The following NECTIN3 variants were observed in gnomAD, a reference collection of about 807,000 sequenced individuals.
The protein encoded by NECTIN3 is nectin cell adhesion molecule 3.
Under a neutral mutation model 49.4 loss-of-function variants are expected in NECTIN3, and 8 were observed. The observed-to-expected ratio is 0.16, with a 90% CI of 0.10 to 0.29. The LOEUF (loss-of-function observed/expected upper bound fraction) is 0.29, where lower values mean the gene tolerates loss of function less well. Ranked by LOEUF, NECTIN3 falls within the 10% of genes least tolerant of loss-of-function variation. The pLI is 1.00. For synonymous variants in NECTIN3, 277 were observed against 241.1 expected, an observed-to-expected ratio of 1.15 and a Z score of -1.38; for missense variants, 581 against 654.6, an observed-to-expected ratio of 0.89 and a Z score of 1.23.
downstream of NECTIN3, among the ~76,000 whole-genome samples, chr3:111,138,555 GT>G (rs1311497943): frequency 6.6e-6 from 1 of 151,542 alleles, no homozygotes; most frequent in African/African-American, 2.4e-5. Flanking sequence ...GTTTACAAAA[GT>G]TTTGCCTTGT....
rs1477771672 is a variant in NECTIN3, at chr3:111,134,206, G to T, written c.1641G>T (p.Trp547Cys). 6.3e-7 allele frequency: 1 copy of T among 1,597,366 alleles called. No homozygotes were observed. Among genetic ancestry groups the T allele is most frequent in the South Asian group, 1.1e-5 (1 of 87,304 alleles). Residue 547 changes from tryptophan (W) to cysteine (C), a missense_variant, in exon 6 of 6, where the codon TGG (tryptophan) becomes TGT (cysteine). By Grantham distance (215) the Trp-to-Cys change is radical. Around this residue, in one of 3 missense-constraint regions of NECTIN3, gnomAD observed 238 missense variants for 244.9 expected, o/e 0.97. Coordinates refer to ENST00000485303, the MANE Select transcript of NECTIN3 (RefSeq NM_015480.3). The stretch of plus-strand genomic sequence containing the variant: ...GTTCCGTAATTTCCAGGAGGGAGTG[G>T]TATGTTTAGCAACCACTGAATGTGA... Reference protein sequence around the residue: ...VDGSVISRREWYV With the variant: ...VDGSVISRRECYV
At chr3:111,087,619 C>T (rs989347920) in intron 1 of NECTIN3, among the ~76,000 whole-genome samples, 6 of 152,062 alleles carry the variant, frequency 3.9e-5, no homozygotes, top group African/African-American at 1.4e-4. Flanking sequence ...TGCCACTGCA[C>T]TCCAGCCTGA....
At chr3:111,144,533 G>A (rs890056108) in intron 5 of NECTIN3, among the ~76,000 whole-genome samples, 12 of 151,702 alleles carry the variant, frequency 7.9e-5, no homozygotes, top group Non-Finnish European at 1.2e-4. Context: ...ATTACTGGTC[G>A]TTTATATTAG....
At chr3:111,157,414 A>G (rs1324377585) in intron 7 of NECTIN3, among the ~76,000 whole-genome samples, 1 of 152,120 alleles carries the variant, frequency 6.6e-6, no homozygotes, top group Admixed American at 6.5e-5. Flanking sequence ...TGGTTTTTCA[A>G]GAGATCCAGC....
At chr3:111,177,087 T>C (rs2035544595) in intron 7 of NECTIN3, among the ~76,000 whole-genome samples, 1 of 152,162 alleles carries the variant, frequency 6.6e-6, no homozygotes, top group East Asian at 1.9e-4. Context: ...CAGAGTGTCT[T>C]TTTCTAGTTC....
At chr3:111,126,730 A>G (rs958539675) in intron 5 of NECTIN3, among the ~76,000 whole-genome samples, 2 of 152,144 alleles carry the variant, frequency 1.3e-5, no homozygotes, top group African/African-American at 4.8e-5. Flanking sequence ...GGTAAATAAA[A>G]TGGAATATTA....
intron 1 of NECTIN3, among the ~76,000 whole-genome samples, chr3:111,083,316 C>T (rs1244331950): frequency 6.6e-6 from 1 of 152,104 alleles, no homozygotes; most frequent in Admixed American, 6.5e-5. Context: ...CCCCTTCTCC[C>T]CCAAATCCAT....
intron 1 of NECTIN3, chr3:111,072,761 C>T (rs1208385856): frequency 8.7e-6 from 5 of 575,316 alleles, no homozygotes; most frequent in Non-Finnish European, 1.5e-5. Flanking sequence ...TCTAGATTGA[C>T]CCTCGTCCCT....
At chr3:111,145,069 G>T in intron 6 of NECTIN3, 1 of 1,518,272 alleles carries the variant, frequency 6.6e-7, no homozygotes, top group Non-Finnish European at 8.8e-7. Flanking sequence ...GTTCAACTAT[G>T]AATATCAGTA....
chr3:111,093,625 G>A (rs2032406463), intron 1 of NECTIN3, among the ~76,000 whole-genome samples: 2 of 151,874 alleles, frequency 1.3e-5, no homozygotes, highest in South Asian at 2.1e-4. Context: ...TAGTAGAAAC[G>A]GGGTTTTACC....
intron 2 of NECTIN3, among the ~76,000 whole-genome samples, chr3:111,115,567 A>T (rs1216495919): frequency 2.6e-5 from 4 of 152,332 alleles, no homozygotes; most frequent in African/African-American, 9.6e-5. Context: ...TTCCCAAGTG[A>T]CTTATGTACA....
At chr3:111,100,138 T>G (rs1209458093) in intron 1 of NECTIN3, among the ~76,000 whole-genome samples, 1 of 152,136 alleles carries the variant, frequency 6.6e-6, no homozygotes, top group Non-Finnish European at 1.5e-5. Context: ...TGTAATTGTT[T>G]AGAGGTGCTT....
chr3:111,147,349 T>C (rs960959591), intron 6 of NECTIN3: 4 of 313,540 alleles, frequency 1.3e-5, no homozygotes, highest in Non-Finnish European at 1.9e-5. Context: ...TTTCTTTTGC[T>C]TTTTTTTTTT....
chr3:111,187,035 T>C (rs1296288872), intron 7 of NECTIN3, among the ~76,000 whole-genome samples: 1 of 152,160 alleles, frequency 6.6e-6, no homozygotes, highest in Non-Finnish European at 1.5e-5. Context: ...CCAAATCCTG[T>C]TGAGGACATG....
chr3:111,173,820 C>G (rs987272327), intron 7 of NECTIN3, among the ~76,000 whole-genome samples: 24 of 151,870 alleles, frequency 1.6e-4, no homozygotes, highest in African/African-American at 5.8e-4. Flanking sequence ...TTTTTGTACA[C>G]CTGCAGCTTC....
chr3:111,172,301 G>T (rs144696436), intron 7 of NECTIN3, among the ~76,000 whole-genome samples: 251 of 152,056 alleles, frequency 1.7e-3, no homozygotes, highest in African/African-American at 5.2e-3. Context: ...TATTGTTCTG[G>T]GCACTTGTCA....
At chr3:111,181,898 C>G (rs1310232128) in intron 7 of NECTIN3, among the ~76,000 whole-genome samples, 1 of 151,362 alleles carries the variant, frequency 6.6e-6, no homozygotes, top group African/African-American at 2.4e-5. Context: ...TTTTCTACTT[C>G]CTTTGGATTT....
At chr3:111,078,975 A>G (rs966257740) in intron 1 of NECTIN3, among the ~76,000 whole-genome samples, 1 of 152,090 alleles carries the variant, frequency 6.6e-6, no homozygotes, top group African/African-American at 2.4e-5. Flanking sequence ...TAAATTTAAG[A>G]TAGTCTATTT....
intron 7 of NECTIN3, among the ~76,000 whole-genome samples, chr3:111,175,144 C>T (rs565874375): frequency 2.0e-5 from 3 of 151,914 alleles, no homozygotes; most frequent in African/African-American, 4.8e-5. Flanking sequence ...AAATGTTGCT[C>T]CTCTTCTCTA....
Sources: allele counts gnomAD v4.1 joint callset (sites outside exome capture counted in the v4.1 genomes callset), GRCh38; gene constraint gnomAD v4.1.1; regional missense constraint gnomAD v4.1.1; transcripts MANE v1.5; gene names NCBI Gene and HGNC (gene_info 2026-07-23, HGNC 2026-07-21).